Variants in KATNIP observed in about 807,000 individuals in gnomAD.
KATNIP encodes katanin-interacting protein.
Under a neutral mutation model 174.0 loss-of-function variants are expected in KATNIP, and 126 were observed. The observed-to-expected ratio is 0.72, with a 90% CI of 0.63 to 0.84. The LOEUF is 0.84. Ranked by LOEUF, KATNIP falls within the 40% of genes least tolerant of loss-of-function variation. KATNIP has a pLI of 0.00. For missense variants in KATNIP, 1,958 were observed against 2,109.7 expected, an observed-to-expected ratio of 0.93 and a Z score of 1.41; for synonymous variants, 810 against 835.7, an observed-to-expected ratio of 0.97 and a Z score of 0.53.
At chr16:27,708,221 C>T (rs1472049942) in intron 12 of KATNIP, among the ~76,000 whole-genome samples, 1 of 151,776 alleles carries the variant, frequency 6.6e-6, no homozygotes. Flanking sequence ...CAGGATCTCA[C>T]TTTGTTGCTT....
intron 1 of KATNIP, among the ~76,000 whole-genome samples, chr16:27,562,795 C>T (rs996732866): frequency 1.3e-5 from 2 of 152,132 alleles, no homozygotes; most frequent in Non-Finnish European, 1.5e-5. Flanking sequence ...ATTTACTTAT[C>T]TTTACTATTT....
At position 27,709,643 on chromosome 16, in the gene KATNIP, AAAAT is replaced by A. The variant is rs201483962; in HGVS notation, c.1605+730_1605+733del. On this transcript the variant is annotated intron_variant, in intron 13 of 27. Transcript: ENST00000261588. Reference sequence around the variant, plus strand: ...GACAGAATGAGACTCTGTCTCAAAAAAAATAAATAAGATAAAATCTACCAGGGTT... The same window carrying A: ...GACAGAATGAGACTCTGTCTCAAAAAAAATAAGATAAAATCTACCAGGGTT... Among the ~76,000 whole-genome samples, 565 of 152,284 alleles carry A rather than the reference AAAAT, an allele frequency of 3.7e-3. 6 individuals are homozygous for A. The highest frequency in any genetic ancestry group is 0.013 in the African/African-American group (553 of 41,544).
chr16:27,770,129 C>A, intron 21 of KATNIP, 111 bp downstream of exon 21: 1 of 1,217,736 alleles, frequency 8.2e-7, no homozygotes, highest in Non-Finnish European at 1.2e-6. Context: ...TGATCAAACG[C>A]ATTGCTTTTC....
chr16:27,603,974 C>G (rs149225284), intron 2 of KATNIP, among the ~76,000 whole-genome samples: 1 of 152,046 alleles, frequency 6.6e-6, no homozygotes, highest in Non-Finnish European at 1.5e-5. Flanking sequence ...TGACCTCAGG[C>G]GATCCACCTG....
chr16:27,737,734 C>T (rs1006751556), intron 14 of KATNIP, among the ~76,000 whole-genome samples: 5 of 152,174 alleles, frequency 3.3e-5, no homozygotes, highest in Non-Finnish European at 7.4e-5. Flanking sequence ...GGGAAGCTGC[C>T]GAGTACTGCC....
intron 1 of KATNIP, among the ~76,000 whole-genome samples, chr16:27,553,109 C>G (rs1596686671): frequency 6.6e-6 from 1 of 152,166 alleles, no homozygotes; most frequent in South Asian, 2.1e-4. Flanking sequence ...TCATTGGCTG[C>G]TTTACCCATA....
At chr16:27,711,975 C>G (rs1242816071) in intron 13 of KATNIP, among the ~76,000 whole-genome samples, 1 of 152,078 alleles carries the variant, frequency 6.6e-6, no homozygotes, top group Non-Finnish European at 1.5e-5. Flanking sequence ...CTTGGCCCAG[C>G]CTTCGCCACC....
chr16:27,682,513 G>T (rs2142827479), intron 8 of KATNIP, among the ~76,000 whole-genome samples: 1 of 152,330 alleles, frequency 6.6e-6, no homozygotes, highest in South Asian at 2.1e-4. Context: ...AGACCAGGTG[G>T]TTCAAGATGT....
At chr16:27,550,338 G>C (rs1287538513) in intron 1 of KATNIP, among the ~76,000 whole-genome samples, 161 bp downstream of exon 1, 1 of 152,186 alleles carries the variant, frequency 6.6e-6, no homozygotes, top group African/African-American at 2.4e-5. Flanking sequence ...GGTCTGGAAC[G>C]CGGAGGAGAG....
chr16:27,550,957 G>C (rs2089332209), intron 1 of KATNIP, among the ~76,000 whole-genome samples: 2 of 152,182 alleles, frequency 1.3e-5, no homozygotes, highest in African/African-American at 4.8e-5. Context: ...GATTGAGGCT[G>C]TAACTGAAAA....
rs2079220616 is a variant in KATNIP at position 27,704,432 on chromosome 16, T to C, written c.1389+434T>C. On this transcript the variant is annotated intron_variant, in intron 12 of 27. Transcript: ENST00000261588. The stretch of plus-strand genomic sequence containing the variant: ...CAGGCAGCTGTATAAACAGGTGAAA[T>C]CCTCTTGGAAAACAGAATGCTTGAC... 2.6e-5 allele frequency among the ~76,000 whole-genome samples: 4 copies of C among 152,036 alleles called. No individual in the cohort carries two copies. In the South Asian group the frequency reaches 8.3e-4, roughly 32 times the overall value.
intron 6 of KATNIP, chr16:27,654,560 GA>G (rs2077208727): frequency 1.5e-6 from 2 of 1,349,920 alleles, no homozygotes; most frequent in Non-Finnish European, 2.0e-6. Context: ...TGTCTTCAGG[GA>G]CAGGAAGTTG....
intron 1 of KATNIP, among the ~76,000 whole-genome samples, chr16:27,572,475 A>G (rs565354287): frequency 5.9e-5 from 9 of 151,304 alleles, no homozygotes; most frequent in Admixed American, 2.6e-4. Flanking sequence ...CTGTTAGTCT[A>G]CCCCAAGGCT....
At chr16:27,664,917 G>C (rs2077631945) in intron 6 of KATNIP, among the ~76,000 whole-genome samples, 1 of 152,120 alleles carries the variant, frequency 6.6e-6, no homozygotes, top group African/African-American at 2.4e-5. Flanking sequence ...GTGACAGGGA[G>C]CCCTGAGGCT....
intron 18 of KATNIP, among the ~76,000 whole-genome samples, chr16:27,759,683 C>G (rs138011899): frequency 1.0e-3 from 157 of 152,310 alleles, no homozygotes; most frequent in African/African-American, 3.6e-3. Context: ...GTTAGCTGGG[C>G]TGCCTCGCAT....
At chr16:27,725,337 G>A (rs1467356699) in intron 14 of KATNIP, among the ~76,000 whole-genome samples, 1 of 152,210 alleles carries the variant, frequency 6.6e-6, no homozygotes, top group East Asian at 1.9e-4. Context: ...CAAATCGGCT[G>A]TGTCTCTTTT....
At chr16:27,684,633 A>G (rs890459325) in intron 8 of KATNIP, among the ~76,000 whole-genome samples, 2 of 152,236 alleles carry the variant, frequency 1.3e-5, no homozygotes, top group Non-Finnish European at 2.9e-5. Flanking sequence ...ATCATCTCAC[A>G]GTTCTCAAGG....
At chr16:27,752,772 A>C (rs2081567976) in intron 17 of KATNIP, among the ~76,000 whole-genome samples, 1 of 151,974 alleles carries the variant, frequency 6.6e-6, no homozygotes, top group Non-Finnish European at 1.5e-5. Context: ...CAGGTTGGTC[A>C]TGAACTCCTG....
chr16:27,674,084 G>A (rs1442283778), intron 6 of KATNIP, among the ~76,000 whole-genome samples: 1 of 152,160 alleles, frequency 6.6e-6, no homozygotes, highest in Non-Finnish European at 1.5e-5. Flanking sequence ...CTAGGAGGTC[G>A]AGGCTGCAGT....
Sources: gnomAD v4.1 joint callset for allele counts (sites outside exome capture counted in the v4.1 genomes callset) on GRCh38, gnomAD v4.1.1 for gene constraint, MANE v1.5 for transcripts, NCBI Gene and HGNC (gene_info 2026-07-23, HGNC 2026-07-21) for gene names.